The following ABCA10 variants were observed in gnomAD, a reference collection of about 807,000 sequenced individuals.
ABCA10 encodes the protein ATP binding cassette subfamily A member 10.
ABCA10 carries 169 observed loss-of-function variants against 187.5 expected under a neutral mutation model. The ratio of observed to expected loss-of-function variants is 0.90; its 90% confidence interval spans 0.80 to 1.02. The LOEUF is 1.02. ABCA10 is among the 50% of genes least tolerant of loss of function. ABCA10 has a pLI of 0.00. For missense variants in ABCA10, 1,727 were observed against 1,812.4 expected, an observed-to-expected ratio of 0.95 and a Z score of 0.86; for synonymous variants, 574 against 601.8, an observed-to-expected ratio of 0.95 and a Z score of 0.68.
intron 27 of ABCA10, among the ~76,000 whole-genome samples, chr17:69,159,091 A>C (rs1218845153): frequency 6.6e-6 from 1 of 152,018 alleles, no homozygotes; most frequent in African/African-American, 2.4e-5. Context: ...TAAAACAGGA[A>C]AGGGTGACCC....
chr17:69,224,520 A>G (rs1248976751), intron 3 of ABCA10, among the ~76,000 whole-genome samples: 1 of 152,120 alleles, frequency 6.6e-6, no homozygotes, highest in Admixed American at 6.6e-5. Flanking sequence ...AGTTACTCCT[A>G]ATGGCAGTAG....
intron 15 of ABCA10, 133 bp from the exon 16 acceptor site, chr17:69,192,786 G>T: frequency 1.3e-6 from 1 of 792,370 alleles, no homozygotes; most frequent in Non-Finnish European, 2.0e-6. Context: ...AAGCCCCTGG[G>T]TGCAGTATCA....
At chr17:69,222,061 A>G (rs1285161462) in intron 4 of ABCA10, among the ~76,000 whole-genome samples, 166 bp from the exon 5 acceptor site, 2 of 152,190 alleles carry the variant, frequency 1.3e-5, no homozygotes, top group African/African-American at 4.8e-5. Flanking sequence ...TGGAGAAAAA[A>G]AGAACATATG....
At chr17:69,195,945 C>A (rs937128503) in intron 11 of ABCA10, among the ~76,000 whole-genome samples, 1 of 152,180 alleles carries the variant, frequency 6.6e-6, no homozygotes, top group African/African-American at 2.4e-5. Context: ...AATGGAGTCT[C>A]CCATGTCTAC....
intron 27 of ABCA10, 105 bp downstream of exon 27, chr17:69,163,969 A>C: frequency 1.3e-6 from 1 of 775,754 alleles, no homozygotes; most frequent in Non-Finnish European, 1.9e-6. Flanking sequence ...AAATACAGAA[A>C]GAGTGGGTAT....
chr17:69,176,685 C>T (rs1017553863), intron 22 of ABCA10, among the ~76,000 whole-genome samples: 2 of 151,984 alleles, frequency 1.3e-5, no homozygotes, highest in African/African-American at 4.8e-5. Flanking sequence ...ATTAAATGGG[C>T]CAATGTCATT....
Position 69,174,327 on chromosome 17 carries a change from C to T in ABCA10, c.3116G>A (p.Arg1039His), listed in dbSNP as rs762850142. The T allele has an allele frequency of 3.4e-5, 54 of 1,608,886 alleles. No individual in the cohort carries two copies. In the East Asian group the frequency reaches 6.7e-4, roughly 20 times the overall value. ...AAAGCCATTATTTTTTCTCCACTTG[C>T]GAAAGATGAATGAAAGCACATATGT... ...FLTYVLSFIFRKWRKNNGFWS... is the reference protein window; with the variant it reads ...FLTYVLSFIFHKWRKNNGFWS... The change falls in exon 25 of 39, where the codon CGC (arginine) becomes CAC (histidine). Residue 1039 changes from arginine to histidine, a missense_variant. By Grantham distance (29) the Arg-to-His change is conservative. Coordinates refer to ENST00000690296, the MANE Select transcript of ABCA10 (RefSeq NM_001377321.1).
At chr17:69,190,524 A>C in intron 17 of ABCA10, 47 bp from the exon 18 acceptor site, 2 of 1,478,328 alleles carry the variant, frequency 1.4e-6, no homozygotes, top group Non-Finnish European at 1.8e-6. Flanking sequence ...ATTATCAATG[A>C]GTATATTAAA....
At chr17:69,179,429 ACAT>A (rs2074361934) in intron 22 of ABCA10, among the ~76,000 whole-genome samples, 1 of 152,210 alleles carries the variant, frequency 6.6e-6, no homozygotes, top group Non-Finnish European at 1.5e-5. Context: ...CCCACTGGCC[ACAT>A]GAGACCCATT....
chr17:69,153,381 T>A lies in ABCA10; in HGVS notation c.4060A>T (p.Ile1354Phe), dbSNP rs1465668766. The change falls in exon 34 of 39, where the codon ATC becomes TTC. Residue 1354 changes from isoleucine to phenylalanine, a missense_variant. Coordinates refer to ENST00000690296, the MANE Select transcript of ABCA10 (RefSeq NM_001377321.1). ...IKRKLCFVLS[I>F]LGNPSVVLLD... ...AGCACCACTGATGGGTTCCCCAGGATGCTCAGCACAAAGCACAGCTGCAAT... is the reference window on the plus strand; with the variant it reads ...AGCACCACTGATGGGTTCCCCAGGAAGCTCAGCACAAAGCACAGCTGCAAT... The A allele has an allele frequency of 1.2e-6, 2 of 1,613,608 alleles. No individual in the cohort carries two copies. Among genetic ancestry groups the A allele is most frequent in the Non-Finnish European group, 1.7e-6 (2 of 1,179,826 alleles).
intron 3 of ABCA10, among the ~76,000 whole-genome samples, chr17:69,224,033 C>T (rs1385891993): frequency 6.6e-6 from 1 of 152,138 alleles, no homozygotes; most frequent in African/African-American, 2.4e-5. Context: ...GCAGAATCAA[C>T]ACTGTGGTCA....
In ABCA10 at chr17:69,221,853, G is replaced by T. The variant is rs749841082; in HGVS notation, c.242C>A (p.Ala81Glu). 2 of 1,612,898 alleles carry T rather than the reference G, an allele frequency of 1.2e-6. No homozygotes were observed. Among genetic ancestry groups the T allele is most frequent in the Non-Finnish European group, 1.7e-6 (2 of 1,179,516 alleles). ...TACAAACCCTTTTAGCCAGTACTTT[G>T]CCAAGTAACAAAAAATTTCACCATG... ...AMHGEIFCYL[A>E]KYWLKGFVAF... Residue 81 changes from alanine to glutamate, a missense_variant, in exon 5 of 39, where the codon GCA becomes GAA. Physicochemically the swap from Ala to Glu is moderately radical, Grantham distance 107. Transcript: ENST00000690296.
Position 69,148,547 on chromosome 17 carries a change from C to T in ABCA10, c.*280G>A. 4.0e-6 allele frequency: 1 copy of T among 252,682 alleles called. No homozygotes were observed. The highest frequency in any genetic ancestry group is 7.5e-6 in the Non-Finnish European group (1 of 133,072). 15.7% of individuals were successfully genotyped at this position (252,682 alleles called of 1,614,324 possible). A position where few individuals can be genotyped will look rare whatever the true frequency, so the allele number is the denominator to read the frequency against. ...AGCTTTATTGATAATAACCGATAAC[C>T]AACCTAATATTGTATGATTTTTAAA... On this transcript the variant is annotated 3_prime_UTR_variant, in exon 39 of 39. Transcript: ENST00000690296.
At chr17:69,209,461 T>A (rs565789042) in intron 9 of ABCA10, among the ~76,000 whole-genome samples, 3 of 152,186 alleles carry the variant, frequency 2.0e-5, no homozygotes, top group Non-Finnish European at 2.9e-5. Context: ...GTAAGAAGCA[T>A]AGGGACTAAA....
chr17:69,190,086 G>A (rs754786450), intron 18 of ABCA10, among the ~76,000 whole-genome samples: 2 of 152,088 alleles, frequency 1.3e-5, no homozygotes, highest in African/African-American at 4.8e-5. Context: ...GGAAGAAGTG[G>A]TCATTGCAAA....
intron 1 of ABCA10, among the ~76,000 whole-genome samples, chr17:69,243,936 G>A (rs1182336657): frequency 6.6e-6 from 1 of 152,078 alleles, no homozygotes; most frequent in East Asian, 1.9e-4. Context: ...TGAAATTCTT[G>A]AGAACTTGAT....
At chr17:69,167,496 T>C (rs1971825816) in intron 25 of ABCA10, among the ~76,000 whole-genome samples, 1 of 152,124 alleles carries the variant, frequency 6.6e-6, no homozygotes, top group African/African-American at 2.4e-5. Context: ...ACAATAGAAC[T>C]AAACACAGAA....
intron 27 of ABCA10, among the ~76,000 whole-genome samples, chr17:69,159,859 A>G (rs1455999418): frequency 6.6e-6 from 1 of 152,190 alleles, no homozygotes; most frequent in Non-Finnish European, 1.5e-5. Context: ...TATATGCTCA[A>G]ATAATCTTCA....
chr17:69,194,067 AT>A, intron 12 of ABCA10, 78 bp from the exon 13 acceptor site: 1 of 1,366,796 alleles, frequency 7.3e-7, no homozygotes, highest in Non-Finnish European at 9.9e-7. Context: ...TAGTATTTAG[AT>A]TTTGTTCAAA....
Sources: gnomAD v4.1 joint callset for allele counts (sites outside exome capture counted in the v4.1 genomes callset) on GRCh38, gnomAD v4.1.1 for gene constraint, MANE v1.5 for transcripts, NCBI Gene and HGNC (gene_info 2026-07-23, HGNC 2026-07-21) for gene names.